Variants in AGAP1 observed in about 807,000 individuals in gnomAD.
AGAP1 encodes arf-GAP with GTPase, ANK repeat and PH domain-containing protein 1.
AGAP1 carries 29 observed loss-of-function variants against 105.3 expected under a neutral mutation model. That is an observed-to-expected ratio of 0.28 (90% CI 0.21 to 0.38). The LOEUF (loss-of-function observed/expected upper bound fraction) is 0.38. Ranked by LOEUF, AGAP1 falls within the 10% of genes least tolerant of loss-of-function variation. AGAP1 has a pLI of 1.00. For missense variants in AGAP1, 998 were observed against 1,165.1 expected, an observed-to-expected ratio of 0.86 and a Z score of 2.09; for synonymous variants, 509 against 485.9, an observed-to-expected ratio of 1.05 and a Z score of -0.63.
At position 236,105,262 on chromosome 2, in the gene AGAP1, GCA is replaced by G. The variant is rs2059455311; in HGVS notation, c.2115-14925_2115-14924del. Among the ~76,000 whole-genome samples, 1 of 152,206 alleles carries G rather than the reference GCA, an allele frequency of 6.6e-6. No homozygotes were observed. The highest frequency in any genetic ancestry group is 1.5e-5 in the Non-Finnish European group (1 of 68,030). ...ACATCCCACTTTAAGAACCCTGCAT[GCA>G]CACAGTCTTGCGTCAACTTCAGTTT... is the stretch of plus-strand genomic sequence containing the variant. On this transcript the variant is annotated intron_variant, in intron 16 of 17. Coordinates refer to ENST00000304032, the MANE Select transcript of AGAP1 (RefSeq NM_001037131.3). This position sits in a 1 kb window ranked among gnomAD's most constrained non-coding sequence, Gnocchi z 4.2.
Position 236,109,253 on chromosome 2 carries a change from G to A in AGAP1, c.2115-10939G>A, listed in dbSNP as rs1469811067. ...CAGCAGTGACCAAGCTCACCTCTGG[G>A]ACTCAGCTGCCTGGTCAGCCTGACC... On this transcript the variant is annotated intron_variant, in intron 16 of 17. Transcript: ENST00000304032. The surrounding 1 kb of genome is among the most constrained non-coding windows in gnomAD (Gnocchi z 5.4). Among the ~76,000 whole-genome samples the A allele has an allele frequency of 5.3e-5, 8 of 152,110 alleles. No individual in the cohort carries two copies. Among genetic ancestry groups the A allele is most frequent in the African/African-American group, 1.7e-4 (7 of 41,416 alleles).
intron 1 of AGAP1, among the ~76,000 whole-genome samples, chr2:235,572,795 CTG>C (rs1491488654): frequency 2.0e-5 from 3 of 152,212 alleles, no homozygotes; most frequent in African/African-American, 7.2e-5. Context: ...GGAGGACCTA[CTG>C]TGTGCTCAGC....
chr2:235,814,203 A>G lies in AGAP1; in HGVS notation c.1050+6872A>G, dbSNP rs115329531. Reference sequence around the variant, plus strand: ...CGCCTATGTCTGTGGGCACAGGCCCAAGGGCGGAGCTCTTGCCAGGGAGCC... The same window carrying G: ...CGCCTATGTCTGTGGGCACAGGCCCGAGGGCGGAGCTCTTGCCAGGGAGCC... On this transcript the variant is annotated intron_variant, in intron 9 of 17. Transcript: ENST00000304032. Among the ~76,000 whole-genome samples the G allele has an allele frequency of 3.5e-3, 535 of 152,330 alleles. 2 individuals are homozygous for G. Among genetic ancestry groups the G allele is most frequent in the East Asian group, 0.02 (103 of 5,176 alleles).
intron 13 of AGAP1, among the ~76,000 whole-genome samples, chr2:235,997,667 G>A (rs1308226837): frequency 1.3e-5 from 2 of 152,156 alleles, no homozygotes; most frequent in African/African-American, 4.8e-5. Context: ...GGTTTTGAGA[G>A]CTTCTCAGCC....
At position 235,631,143 on chromosome 2, in the gene AGAP1, C is replaced by T. The variant is rs747626264; in HGVS notation, c.164-78036C>T. On this transcript the variant is annotated intron_variant, in intron 1 of 17. Transcript: ENST00000304032. This position sits in a 1 kb window ranked among gnomAD's most constrained non-coding sequence, Gnocchi z 5.4. ...ACACACTCAGGGAAAATCCACAGGA[C>T]GAGGGCTGATGTTAGCAGGGTTCAT... Among the ~76,000 whole-genome samples, 21 of 152,134 alleles carry T rather than the reference C, an allele frequency of 1.4e-4. No individual in the cohort carries two copies. The highest frequency in any genetic ancestry group is 2.6e-4 in the Non-Finnish European group (18 of 68,036).
At chr2:235,515,681 G>A (rs1574737458) in intron 1 of AGAP1, among the ~76,000 whole-genome samples, 3 of 152,198 alleles carry the variant, frequency 2.0e-5, no homozygotes, top group African/African-American at 7.2e-5. Flanking sequence ...GAATGGAAAT[G>A]GAGAGATTGT....
chr2:236,105,837 T>G lies in AGAP1; in HGVS notation c.2115-14355T>G, dbSNP rs2059475505. ...TGGTCTCGATCTCCTGACCTCATGA[T>G]CCACCCTCCTCGGCCTCCCAAAGTG... On this transcript the variant is annotated intron_variant, in intron 16 of 17. Coordinates refer to ENST00000304032, the MANE Select transcript of AGAP1 (RefSeq NM_001037131.3). The surrounding 1 kb of genome is among the most constrained non-coding windows in gnomAD (Gnocchi z 4.2). 1.3e-5 allele frequency among the ~76,000 whole-genome samples: 2 copies of G among 152,126 alleles called. No individual in the cohort carries two copies.
rs113742033 is a variant in AGAP1 at position 235,527,378 on chromosome 2, C to G, written c.163+32529C>G. ...TTTGGAAACAGACTTTACTTACTTA[C>G]CTTATTGATTGAGACAGGGTCTCAC... On this transcript the variant is annotated intron_variant, in intron 1 of 17. Transcript: ENST00000304032. Among the ~76,000 whole-genome samples, 1,324 of 152,192 alleles carry G rather than the reference C, an allele frequency of 8.7e-3. 24 individuals carry two copies. The highest frequency in any genetic ancestry group is 0.03 in the African/African-American group (1,238 of 41,516).
At chr2:235,911,775 T>C (rs1488143981) in intron 11 of AGAP1, among the ~76,000 whole-genome samples, 1 of 152,244 alleles carries the variant, frequency 6.6e-6, no homozygotes, top group Non-Finnish European at 1.5e-5. Flanking sequence ...CCCTTTTCCA[T>C]GGTCACAGCC....
intron 10 of AGAP1, among the ~76,000 whole-genome samples, chr2:235,899,325 C>G (rs2050951841): frequency 6.6e-6 from 1 of 152,128 alleles, no homozygotes; most frequent in African/African-American, 2.4e-5. Flanking sequence ...CCAGCCTGGC[C>G]AACATGGTGA....
chr2:235,767,437 C>T (rs1009903469), intron 6 of AGAP1, among the ~76,000 whole-genome samples: 2 of 152,178 alleles, frequency 1.3e-5, no homozygotes, highest in African/African-American at 4.8e-5. Context: ...CCGGCCCACA[C>T]CATCAGCCTC....
At position 236,107,212 on chromosome 2, in the gene AGAP1, G is replaced by A. The variant is rs1183666059; in HGVS notation, c.2115-12980G>A. Among the ~76,000 whole-genome samples, 3 of 151,990 alleles carry A rather than the reference G, an allele frequency of 2.0e-5. No homozygotes were observed. In the East Asian group the frequency reaches 5.8e-4, roughly 30 times the overall value. On this transcript the variant is annotated intron_variant, in intron 16 of 17. Transcript: ENST00000304032. ...CCAGAGGGAAAACTGAAGCCTGGGA[G>A]AGGGTGGCTGCCCAGGGCCCCACAG...
At position 236,124,023 on chromosome 2, in the gene AGAP1, C is replaced by T. The variant is rs751623797; in HGVS notation, c.2475C>T (p.Gly825=). 12 of 1,613,978 alleles carry T rather than the reference C, an allele frequency of 7.4e-6. No homozygotes were observed. In the African/African-American group the frequency reaches 1.5e-4, roughly 20 times the overall value. ...QECIDVLLQY[G]CPDERFVLMA... Reference sequence around the variant, plus strand: ...GCATCGACGTGCTGCTGCAGTACGGCTGCCCCGACGAGCGCTTCGTGCTCA... The same window carrying T: ...GCATCGACGTGCTGCTGCAGTACGGTTGCCCCGACGAGCGCTTCGTGCTCA... The change falls in exon 18 of 18, where the codon GGC becomes GGT. Residue 825 remains glycine (G), a synonymous_variant. Coordinates refer to ENST00000304032, the MANE Select transcript of AGAP1 (RefSeq NM_001037131.3). This position sits in a 1 kb window ranked among gnomAD's most constrained non-coding sequence, Gnocchi z 5.1.
chr2:235,860,942 A>G (rs2048903967), intron 9 of AGAP1, among the ~76,000 whole-genome samples: 1 of 152,236 alleles, frequency 6.6e-6, no homozygotes, highest in South Asian at 2.1e-4. Context: ...TACGGCCGTC[A>G]GCCTCCAAGG....
At chr2:235,840,083 T>G (rs541601794) in intron 9 of AGAP1, among the ~76,000 whole-genome samples, 2 of 152,372 alleles carry the variant, frequency 1.3e-5, no homozygotes, top group East Asian at 3.9e-4. Context: ...CAGGTCATAT[T>G]GTGATCTTCC....
At position 235,883,627 on chromosome 2, in the gene AGAP1, T is replaced by C. The variant is rs936761064; in HGVS notation, c.1155+178T>C. On this transcript the variant is annotated intron_variant, in intron 10 of 17. Coordinates refer to ENST00000304032, the MANE Select transcript of AGAP1 (RefSeq NM_001037131.3). This position sits in a 1 kb window ranked among gnomAD's most constrained non-coding sequence, Gnocchi z 4.5. ...TCCTCACACTCCACTAGACCATATG[T>C]CTTTCTCTCTCTTCCCCTCCCTACC... Among the ~76,000 whole-genome samples the C allele has an allele frequency of 6.6e-6, 1 of 152,200 alleles. No individual in the cohort carries two copies. The highest frequency in any genetic ancestry group is 2.4e-5 in the African/African-American group (1 of 41,460).
In AGAP1 at chr2:235,611,497, G is replaced by A. The variant is rs1574961090; in HGVS notation, c.164-97682G>A. On this transcript the variant is annotated intron_variant, in intron 1 of 17. Transcript: ENST00000304032. The surrounding 1 kb of genome is among the most constrained non-coding windows in gnomAD (Gnocchi z 5.0). ...CATCTGTGATAACATGGGGTGGGTGGTTCTGATTCCTGTTTTGAGGTGGTG... is the reference window on the plus strand; with the variant it reads ...CATCTGTGATAACATGGGGTGGGTGATTCTGATTCCTGTTTTGAGGTGGTG... Among the ~76,000 whole-genome samples, 1 of 152,162 alleles carries A rather than the reference G, an allele frequency of 6.6e-6. No individual in the cohort carries two copies. The highest frequency in any genetic ancestry group is 1.9e-4 in the East Asian group (1 of 5,196).
At chr2:235,698,060 G>C (rs1375109652) in intron 1 of AGAP1, among the ~76,000 whole-genome samples, 1 of 152,132 alleles carries the variant, frequency 6.6e-6, no homozygotes, top group Non-Finnish European at 1.5e-5. Flanking sequence ...GGTCGAGGGA[G>C]GGGGGATGGT....
chr2:235,933,410 CT>C (rs1191819952), intron 12 of AGAP1, among the ~76,000 whole-genome samples: 1 of 152,160 alleles, frequency 6.6e-6, no homozygotes, highest in Non-Finnish European at 1.5e-5. Context: ...AAATTAGCAT[CT>C]GATTTTCAGA....
Sources: allele counts gnomAD v4.1 joint callset (sites outside exome capture counted in the v4.1 genomes callset), GRCh38; gene constraint gnomAD v4.1.1; non-coding constraint Gnocchi (gnomAD v3.1); transcripts MANE v1.5; gene names NCBI Gene and HGNC (gene_info 2026-07-23, HGNC 2026-07-21).